The following VASP variants were observed in gnomAD, a reference collection of about 807,000 sequenced individuals.
VASP encodes vasodilator-stimulated phosphoprotein.
VASP carries 27 observed loss-of-function variants against 54.4 expected under a neutral mutation model. The ratio of observed to expected loss-of-function variants is 0.50; its 90% confidence interval spans 0.37 to 0.68. The LOEUF is 0.68. VASP is among the 30% of genes least tolerant of loss of function. The pLI is 0.00. For missense variants in VASP, 488 were observed against 528.3 expected, an observed-to-expected ratio of 0.92 and a Z score of 0.75; for synonymous variants, 233 against 209.8, an observed-to-expected ratio of 1.11 and a Z score of -0.96.
In VASP at chr19:45,523,833, C is replaced by T. The variant is rs959208302; in HGVS notation, c.874-8C>T. ...GGGCTGGCTCATGGCAGTTTTATTTCCTACCAGCAGGAGGAGCCAGAGGCC... is the reference window on the plus strand; with the variant it reads ...GGGCTGGCTCATGGCAGTTTTATTTTCTACCAGCAGGAGGAGCCAGAGGCC... On this transcript the variant is annotated splice_region_variant and splice_polypyrimidine_tract_variant and intron_variant, in intron 8 of 12. Transcript: ENST00000245932. The T allele has an allele frequency of 1.4e-5, 22 of 1,613,760 alleles. No homozygotes were observed. The African/African-American group carries it at 2.5e-4, about 19-fold the overall frequency.
rs113449382 is a variant in VASP at position 45,508,267 on chromosome 19, C to T, written c.5+491C>T. Among the ~76,000 whole-genome samples the T allele has an allele frequency of 6.6e-5, 10 of 152,322 alleles. 1 individual carries two copies. The highest frequency in any genetic ancestry group is 2.4e-4 in the African/African-American group (10 of 41,578). ...TACTTGGTGCTGGAAAAAGTCTCCC[C>T]AAGTGGGACCGCGCTCCATAACTTC... On this transcript the variant is annotated intron_variant, in intron 1 of 12. Transcript: ENST00000245932.
intron 1 of VASP, among the ~76,000 whole-genome samples, chr19:45,517,223 G>T (rs546438860): frequency 5.9e-5 from 9 of 151,738 alleles, no homozygotes; most frequent in African/African-American, 2.2e-4. Flanking sequence ...AAATGCTTGG[G>T]CTCAAGTGAT....
At chr19:45,524,330 A>G (rs1342731701) in intron 10 of VASP, 188 bp downstream of exon 10, 4 of 731,754 alleles carry the variant, frequency 5.5e-6, no homozygotes, top group Non-Finnish European at 9.3e-6. Context: ...TGAGCCCAGG[A>G]AGTTGAGGCC....
At chr19:45,518,257 G>T (rs1485436532) in intron 3 of VASP, among the ~76,000 whole-genome samples, 163 bp downstream of exon 3, 2 of 152,154 alleles carry the variant, frequency 1.3e-5, no homozygotes, top group Non-Finnish European at 2.9e-5. Flanking sequence ...CAGTGTGACC[G>T]TGTGCACCTA....
At position 45,521,378 on chromosome 19, in the gene VASP, T is replaced by G. The variant is rs765800470; in HGVS notation, c.400T>G (p.Ser134Ala). 6.3e-7 allele frequency: 1 copy of G among 1,577,498 alleles called. No homozygotes were observed. The highest frequency in any genetic ancestry group is 8.6e-7 in the Non-Finnish European group (1 of 1,161,796). ...CACCTGGTCGGTCCCGAACGGCCCC[T>G]CCCCGGAGGAGGTGGAGCAGCAGAA... ...LPTWSVPNGPSPEEVEQQKRQ... is the reference protein window; with the variant it reads ...LPTWSVPNGPAPEEVEQQKRQ... The change falls in exon 4 of 13, where the codon TCC becomes GCC. Residue 134 changes from serine to alanine, a missense_variant. Ser to Ala is a moderately conservative substitution (Grantham distance 99). Coordinates refer to ENST00000245932, the MANE Select transcript of VASP (RefSeq NM_003370.4).
chr19:45,517,628 T>G (rs1016236199), intron 1 of VASP, 35 bp from the exon 2 acceptor site: 1 of 1,590,764 alleles, frequency 6.3e-7, no homozygotes, highest in Admixed American at 1.7e-5. Flanking sequence ...GATAAGAAGG[T>G]GACCGGCCCC....
At position 45,507,920 on chromosome 19, in the gene VASP, C is replaced by G. The variant is rs1489077241; in HGVS notation, c.5+144C>G. On this transcript the variant is annotated intron_variant, in intron 1 of 12. Coordinates refer to ENST00000245932, the MANE Select transcript of VASP (RefSeq NM_003370.4). This position sits in a 1 kb window ranked among gnomAD's most constrained non-coding sequence, Gnocchi z 4.4. ...CGGATTTGAGCTGAATCCCCTTGGA[C>G]GCGCCCCAGAACCGTCGATCACTTC... 3 of 523,682 alleles carry G rather than the reference C, an allele frequency of 5.7e-6. No homozygotes were observed. In the East Asian group the frequency reaches 1.1e-4, roughly 19 times the overall value. The allele number at this position is 523,682 out of a possible 1,614,324, so 32.4% of individuals were successfully genotyped here.
chr19:45,510,211 C>T (rs549796411), intron 1 of VASP, among the ~76,000 whole-genome samples: 22 of 149,132 alleles, frequency 1.5e-4, no homozygotes, highest in Non-Finnish European at 2.8e-4. Context: ...GCAATTCTGG[C>T]TGGTTTTTTT....
intron 7 of VASP, among the ~76,000 whole-genome samples, chr19:45,523,036 C>T (rs1428851080): frequency 6.6e-6 from 1 of 152,046 alleles, no homozygotes; most frequent in Non-Finnish European, 1.5e-5. Flanking sequence ...AATTCTAGAA[C>T]CGTAGGAGAT....
rs371283026 is a variant in VASP at position 45,524,106 on chromosome 19, G to A, written c.920G>A (p.Arg307Gln). 53 of 1,613,804 alleles carry A rather than the reference G, an allele frequency of 3.3e-5. No homozygotes were observed. Among genetic ancestry groups the A allele is most frequent in the Middle Eastern group, 3.3e-4 (2 of 6,010 alleles). ...TCTTGCCTATCCCCAGAATCTGTGC[G>A]GAGACCCTGGGAGAAGAACAGCACA... ...ARVPAQSESV[R>Q]RPWEKNSTTL... Residue 307 changes from arginine to glutamine, a missense_variant, in exon 10 of 13, where the codon CGG becomes CAG. Physicochemically the swap from Arg to Gln is conservative, Grantham distance 43. Transcript: ENST00000245932.
At chr19:45,520,678 C>T (rs950109367) in intron 3 of VASP, among the ~76,000 whole-genome samples, 1 of 152,068 alleles carries the variant, frequency 6.6e-6, no homozygotes. Context: ...AAGAGCTAGC[C>T]AGGGGCCAGG....
chr19:45,521,654 C>T (rs372458735), intron 4 of VASP, among the ~76,000 whole-genome samples: 295 of 152,234 alleles, frequency 1.9e-3, no homozygotes, highest in African/African-American at 6.5e-3. Flanking sequence ...TCTGGGAGGC[C>T]GAGGCGGGCA....
At chr19:45,524,001 G>A in intron 9 of VASP, 96 bp from the exon 10 acceptor site, 1 of 1,609,498 alleles carries the variant, frequency 6.2e-7, no homozygotes, top group Non-Finnish European at 8.5e-7. Flanking sequence ...CTCCTGAGAT[G>A]GGGCTTTGAT....
intron 1 of VASP, among the ~76,000 whole-genome samples, chr19:45,509,543 C>CAGCCCTGGA (rs1480066287): frequency 7.2e-5 from 11 of 152,252 alleles, no homozygotes; most frequent in Non-Finnish European, 1.6e-4. Flanking sequence ...CCACCAGCAC[C>CAGCCCTGGA]AGCCCTGGAA....
intron 7 of VASP, among the ~76,000 whole-genome samples, chr19:45,523,189 AATT>A (rs1207118089): frequency 1.9e-5 from 2 of 107,000 alleles, no homozygotes; most frequent in East Asian, 3.4e-4. Flanking sequence ...CAATCTCTTG[AATT>A]TTTTTTTTTT....
intron 1 of VASP, among the ~76,000 whole-genome samples, chr19:45,508,124 C>A (rs1004153301): frequency 7.9e-5 from 12 of 152,060 alleles, no homozygotes; most frequent in African/African-American, 2.9e-4. Context: ...GACTCTCCTC[C>A]CCCTCCCCCC....
Position 45,521,328 on chromosome 19 carries a change from G to A in VASP, c.350G>A (p.Gly117Glu), listed in dbSNP as rs768555271. Reference protein sequence around the residue: ...ASALEALEGGGPPPPPALPTW... With the variant: ...ASALEALEGGEPPPPPALPTW... ...TTTCTCTCTCACCTTTCAGGAGGTG[G>A]GCCCCCTCCACCCCCAGCACTTCCC... Residue 117 changes from glycine (G) to glutamate (E), a missense_variant, in exon 4 of 13, where the codon GGG (glycine) becomes GAG (glutamate). By Grantham distance (98) the Gly-to-Glu change is moderately conservative. Transcript: ENST00000245932. 2.5e-6 allele frequency: 4 copies of A among 1,576,052 alleles called. No individual in the cohort carries two copies. Among genetic ancestry groups the A allele is most frequent in the Admixed American group, 3.7e-5 (2 of 54,194 alleles).
chr19:45,521,560 C>G (rs1326566834), intron 4 of VASP, among the ~76,000 whole-genome samples, 154 bp downstream of exon 4: 1 of 152,200 alleles, frequency 6.6e-6, no homozygotes, highest in Non-Finnish European at 1.5e-5. Flanking sequence ...CCTCCTGGTC[C>G]CTGCAGATTC....
chr19:45,522,200 G>T lies in VASP; in HGVS notation c.461G>T (p.Arg154Leu), dbSNP rs528165680. The change falls in exon 5 of 13, where the codon CGC becomes CTC. Residue 154 changes from arginine (R) to leucine (L), a missense_variant. Arg to Leu is a moderately radical substitution (Grantham distance 102, BLOSUM62 -2). Around this residue, in one of 4 missense-constraint regions of VASP, gnomAD observed 226 missense variants for 196.0 expected, o/e 1.15. Transcript: ENST00000245932. ...QQPGPSEHIERRVSNAGGPPA... is the reference protein window; with the variant it reads ...QQPGPSEHIELRVSNAGGPPA... ...CCCGGCCCGTCGGAGCACATAGAGC[G>T]CCGGGTCTCCAATGCAGGTGATGCT... is the stretch of plus-strand genomic sequence containing the variant. 1.9e-6 allele frequency: 3 copies of T among 1,614,138 alleles called. No homozygotes were observed. Among genetic ancestry groups the T allele is most frequent in the African/African-American group, 2.7e-5 (2 of 75,056 alleles).
Sources: gnomAD v4.1 joint callset for allele counts (sites outside exome capture counted in the v4.1 genomes callset) on GRCh38, gnomAD v4.1.1 for gene constraint, gnomAD v4.1.1 regional missense constraint, Gnocchi (gnomAD v3.1) non-coding constraint, MANE v1.5 for transcripts, NCBI Gene and HGNC (gene_info 2026-07-23, HGNC 2026-07-21) for gene names.